SVOP: variants seen among roughly 807,000 people sequenced by gnomAD.
SVOP encodes the protein synaptic vesicle 2-related protein.
Under a neutral mutation model 69.1 loss-of-function variants are expected in SVOP, and 17 were observed. The observed-to-expected ratio is 0.25, with a 90% CI of 0.17 to 0.37. The LOEUF is 0.37. Ranked by LOEUF, SVOP falls within the 10% of genes least tolerant of loss-of-function variation. The pLI, the probability that SVOP is intolerant of heterozygous loss-of-function variation, is 1.00. For missense variants in SVOP, 435 were observed against 597.5 expected (o/e 0.73, Z 2.84); for synonymous variants, 238 against 238.6 (o/e 1.00, Z 0.02).
chr12:109,001,572 C>T (rs1405270002), intron 1 of SVOP, among the ~76,000 whole-genome samples: 1 of 142,260 alleles, frequency 7.0e-6, no homozygotes, highest in Non-Finnish European at 1.5e-5. Context: ...TACAAGGCTA[C>T]AGTAACCAAA....
intron 1 of SVOP, among the ~76,000 whole-genome samples, chr12:109,015,936 C>T (rs1190003783): frequency 3.3e-5 from 5 of 152,018 alleles, no homozygotes; most frequent in African/African-American, 7.2e-5. Flanking sequence ...GGAGGACGGA[C>T]GAAGAGTTCA....
rs1013594189 is a variant in SVOP, at chr12:108,993,057, G to A, written c.36-9296C>T. ...CCCCGTCTTTTATTTTTTTGAGACG[G>A]AGTCTCACTCTGTCACCCAGGCTCA... On this transcript the variant is annotated intron_variant, in intron 1 of 15. Transcript: ENST00000610966. 4.6e-5 allele frequency among the ~76,000 whole-genome samples: 7 copies of A among 152,008 alleles called. No individual in the cohort carries two copies. The East Asian group carries it at 1.2e-3, about 25-fold the overall frequency.
At chr12:108,938,147 A>G (rs1448011057) in intron 9 of SVOP, among the ~76,000 whole-genome samples, 1 of 152,264 alleles carries the variant, frequency 6.6e-6, no homozygotes, top group African/African-American at 2.4e-5. Context: ...CTTGCATAAT[A>G]TAAAAAGAAT....
chr12:108,976,048 G>A (rs139410536), intron 4 of SVOP, among the ~76,000 whole-genome samples: 101,374 of 151,452 alleles, frequency 0.67, 34,406 homozygotes, highest in East Asian at 0.79. Flanking sequence ...AATATAAAAA[G>A]CAAGTATCAT....
At chr12:108,924,799 A>G (rs1354001534) in intron 11 of SVOP, among the ~76,000 whole-genome samples, 1 of 152,220 alleles carries the variant, frequency 6.6e-6, no homozygotes, top group Non-Finnish European at 1.5e-5. Context: ...ACATCTTAAC[A>G]TATGTCCCTG....
At position 108,999,397 on chromosome 12, in the gene SVOP, G is replaced by A. The variant is rs1218801005; in HGVS notation, c.36-15636C>T. On this transcript the variant is annotated intron_variant, in intron 1 of 15. Transcript: ENST00000610966. ...AACACCCCACTGTCAACATTAGACA[G>A]ATCAATGAGACAGAAAGTCAACAAG... is the stretch of plus-strand genomic sequence containing the variant. Among the ~76,000 whole-genome samples, 9 of 150,574 alleles carry A rather than the reference G, an allele frequency of 6.0e-5. No individual in the cohort carries two copies. The South Asian group carries it at 1.9e-3, about 32-fold the overall frequency.
At chr12:108,954,184 G>T (rs1396687674) in intron 6 of SVOP, among the ~76,000 whole-genome samples, 1 of 148,034 alleles carries the variant, frequency 6.8e-6, no homozygotes, top group Non-Finnish European at 1.5e-5. Flanking sequence ...GTCAAGTGAT[G>T]TTTAGACATC....
chr12:108,940,775 G>A lies in SVOP; in HGVS notation c.768+9C>T. Reference sequence around the variant, plus strand: ...CAGCAAAAGGTGAAATCTCTTAAAGGATACCTACGAAACACAGCACGGCAA... The same window carrying A: ...CAGCAAAAGGTGAAATCTCTTAAAGAATACCTACGAAACACAGCACGGCAA... On this transcript the variant is annotated intron_variant, in intron 8 of 15. Transcript: ENST00000610966. The A allele has an allele frequency of 1.3e-6, 2 of 1,536,980 alleles. No individual in the cohort carries two copies. Among genetic ancestry groups the A allele is most frequent in the South Asian group, 1.2e-5 (1 of 84,032 alleles).
At chr12:108,959,663 T>G (rs1303277300) in intron 6 of SVOP, among the ~76,000 whole-genome samples, 1 of 152,112 alleles carries the variant, frequency 6.6e-6, no homozygotes, top group African/African-American at 2.4e-5. Context: ...CAGCTTTCTC[T>G]TACAGATCTC....
chr12:108,970,342 G>GTTTT (rs1256446944), intron 5 of SVOP, among the ~76,000 whole-genome samples: 1 of 152,196 alleles, frequency 6.6e-6, no homozygotes, highest in Non-Finnish European at 1.5e-5. Context: ...CCGTGCCTCA[G>GTTTT]TTTCCTCTTC....
In SVOP at chr12:108,910,734, G is replaced by C. The variant is rs1305106777; in HGVS notation, c.*1801C>G. On this transcript the variant is annotated 3_prime_UTR_variant, in exon 16 of 16. Transcript: ENST00000610966. ...CTCCAACAAGCTCAGCCACAATGTT[G>C]GCTGCCAACGGTATGTCTTTCCCCA... 1 of 152,182 alleles carries C rather than the reference G, an allele frequency of 6.6e-6. No individual in the cohort carries two copies. Among genetic ancestry groups the C allele is most frequent in the Non-Finnish European group, 1.5e-5 (1 of 68,044 alleles). 9.4% of individuals were successfully genotyped at this position (152,182 alleles called of 1,614,324 possible).
intron 11 of SVOP, among the ~76,000 whole-genome samples, chr12:108,927,717 C>T (rs1198971306): frequency 1.3e-5 from 2 of 151,694 alleles, no homozygotes; most frequent in African/African-American, 4.8e-5. Flanking sequence ...CCTCCCACTT[C>T]AGCCTCCTGA....
chr12:108,965,160 A>C (rs1299494741), intron 5 of SVOP, among the ~76,000 whole-genome samples: 1 of 152,200 alleles, frequency 6.6e-6, no homozygotes, highest in Non-Finnish European at 1.5e-5. Context: ...TTTCATTTGC[A>C]TTTCATTAAC....
chr12:108,978,528 A>G, intron 3 of SVOP, 50 bp downstream of exon 3: 3 of 697,438 alleles, frequency 4.3e-6, no homozygotes, highest in Non-Finnish European at 7.9e-6. Context: ...CCAGTTGAGC[A>G]GCATGGGGGT....
chr12:108,952,230 CTTTTTTTTT>C (rs36191772), intron 6 of SVOP, among the ~76,000 whole-genome samples: 4 of 98,396 alleles, frequency 4.1e-5, no homozygotes, highest in East Asian at 3.5e-4. Context: ...TTTCTTTTCT[CTTTTTTTTT>C]TTTTTTTTTT....
At chr12:109,009,561 C>T (rs769302206) in intron 1 of SVOP, among the ~76,000 whole-genome samples, 4 of 151,944 alleles carry the variant, frequency 2.6e-5, no homozygotes, top group Non-Finnish European at 4.4e-5. Flanking sequence ...TACAGGCACC[C>T]GCCACCACGC....
chr12:108,937,478 C>A, intron 9 of SVOP, 141 bp from the exon 10 acceptor site: 1 of 817,018 alleles, frequency 1.2e-6, no homozygotes, highest in Non-Finnish European at 2.1e-6. Flanking sequence ...GAACCCAGGT[C>A]TCAAATCTAC....
chr12:108,958,965 T>G (rs1358498819), intron 6 of SVOP, among the ~76,000 whole-genome samples: 1 of 152,164 alleles, frequency 6.6e-6, no homozygotes, highest in Non-Finnish European at 1.5e-5. Context: ...TTTTCTCACT[T>G]TCTTACAGGT....
chr12:109,002,978 A>AAAAT (rs10538026), intron 1 of SVOP, among the ~76,000 whole-genome samples: 39,347 of 140,762 alleles, frequency 0.28, 5,799 homozygotes, highest in African/African-American at 0.39. Context: ...TAAAAAATTA[A>AAAAT]AAATAAATAA....
Sources: gnomAD v4.1 joint callset for allele counts (sites outside exome capture counted in the v4.1 genomes callset) on GRCh38, gnomAD v4.1.1 for gene constraint, MANE v1.5 for transcripts, NCBI Gene and HGNC (gene_info 2026-07-23, HGNC 2026-07-21) for gene names.